The following NAALADL2 variants were observed in gnomAD, a reference collection of about 807,000 sequenced individuals.
NAALADL2 encodes the protein inactive N-acetylated-alpha-linked acidic dipeptidase-like protein 2.
NAALADL2 carries 76 observed loss-of-function variants against 87.2 expected under a neutral mutation model. The observed-to-expected ratio is 0.87, with a 90% CI of 0.72 to 1.05. The LOEUF is 1.05. NAALADL2 is among the 50% of genes least tolerant of loss of function. NAALADL2 has a pLI of 0.00. For synonymous variants in NAALADL2, 354 were observed against 331.0 expected, an observed-to-expected ratio of 1.07 and a Z score of -0.75; for missense variants, 1,089 against 945.8, an observed-to-expected ratio of 1.15 and a Z score of -1.99.
intron 4 of NAALADL2, among the ~76,000 whole-genome samples, chr3:175,297,843 C>A (rs1756573083): frequency 1.3e-5 from 2 of 152,230 alleles, no homozygotes; most frequent in South Asian, 2.1e-4. Context: ...GCATGCTTTT[C>A]ATTTTACATA....
chr3:175,138,260 A>T (rs933425959), intron 2 of NAALADL2, among the ~76,000 whole-genome samples: 1 of 152,224 alleles, frequency 6.6e-6, no homozygotes, highest in South Asian at 2.1e-4. Context: ...ATGTAGACTG[A>T]GAAAACTTAC....
At chr3:175,694,506 G>T (rs978721283) in intron 11 of NAALADL2, among the ~76,000 whole-genome samples, 14 of 152,082 alleles carry the variant, frequency 9.2e-5, no homozygotes, top group Non-Finnish European at 1.6e-4. Flanking sequence ...ACAGACTTTG[G>T]TTGCTCATTC....
chr3:174,743,848 T>TTC (rs1733993795), intron 3 of NAALADL2, among the ~76,000 whole-genome samples: 1 of 151,932 alleles, frequency 6.6e-6, no homozygotes, highest in Non-Finnish European at 1.5e-5. Flanking sequence ...CATCATGTGC[T>TTC]TCTGCACATT....
chr3:175,536,747 T>G (rs1384914710), intron 9 of NAALADL2, among the ~76,000 whole-genome samples: 1 of 152,198 alleles, frequency 6.6e-6, no homozygotes, highest in Non-Finnish European at 1.5e-5. Context: ...TCTCCTGACC[T>G]CGTGATCTGC....
At chr3:175,669,795 T>C (rs1245236460) in intron 11 of NAALADL2, among the ~76,000 whole-genome samples, 1 of 151,954 alleles carries the variant, frequency 6.6e-6, no homozygotes, top group Non-Finnish European at 1.5e-5. Context: ...AAATAGTGTA[T>C]TTCACTATTA....
intron 5 of NAALADL2, among the ~76,000 whole-genome samples, chr3:175,441,154 C>T (rs1719675003): frequency 1.3e-5 from 2 of 151,600 alleles, no homozygotes; most frequent in Admixed American, 1.3e-4. Context: ...GTTTCACATC[C>T]ATGGATTCAA....
At chr3:175,667,223 G>GAAAT (rs1156518991) in intron 11 of NAALADL2, among the ~76,000 whole-genome samples, 3 of 127,028 alleles carry the variant, frequency 2.4e-5, no homozygotes, top group African/African-American at 1.2e-4. Flanking sequence ...AAGAAAGAAA[G>GAAAT]AAAGAAAGAA....
At chr3:175,511,257 C>A (rs1463963704) in intron 9 of NAALADL2, among the ~76,000 whole-genome samples, 1 of 152,154 alleles carries the variant, frequency 6.6e-6, no homozygotes, top group African/African-American at 2.4e-5. Context: ...GAATTGTGTT[C>A]TCTCAAAATT....
intron 8 of NAALADL2, among the ~76,000 whole-genome samples, chr3:175,470,564 C>T (rs73043193): frequency 0.054 from 8,221 of 152,068 alleles, 710 homozygotes; most frequent in African/African-American, 0.18. Context: ...TTGTAGTCTT[C>T]CATTTCATAG....
chr3:174,709,959 T>G (rs986022715), intron 2 of NAALADL2, among the ~76,000 whole-genome samples: 1 of 152,208 alleles, frequency 6.6e-6, no homozygotes, highest in Admixed American at 6.5e-5. Context: ...TGTATATCAT[T>G]TATAAGGCCT....
chr3:175,094,397 C>A (rs1229880520), intron 1 of NAALADL2, among the ~76,000 whole-genome samples: 1 of 151,954 alleles, frequency 6.6e-6, no homozygotes, highest in African/African-American at 2.4e-5. Context: ...CTTTATTCTA[C>A]TTTCTTCAGA....
intron 1 of NAALADL2, among the ~76,000 whole-genome samples, chr3:174,983,610 A>G (rs1553910228): frequency 1.3e-5 from 2 of 152,222 alleles, no homozygotes; most frequent in Non-Finnish European, 2.9e-5. Context: ...GTGTCCTCAC[A>G]TGGTGGAAGG....
intron 1 of NAALADL2, among the ~76,000 whole-genome samples, chr3:175,092,911 T>G (rs1339030699): frequency 6.6e-6 from 1 of 151,898 alleles, no homozygotes; most frequent in Non-Finnish European, 1.5e-5. Context: ...ATAATTGCAT[T>G]TTATAAAACA....
At chr3:175,520,331 G>T (rs1254342377) in intron 9 of NAALADL2, among the ~76,000 whole-genome samples, 1 of 116,548 alleles carries the variant, frequency 8.6e-6, no homozygotes, top group Non-Finnish European at 1.6e-5. Flanking sequence ...TCGCTCTGTC[G>T]CCCAGGCCAG....
chr3:175,043,847 C>A (rs1284498884), intron 1 of NAALADL2, among the ~76,000 whole-genome samples: 2 of 152,032 alleles, frequency 1.3e-5, no homozygotes, highest in African/African-American at 2.4e-5. Flanking sequence ...CTTAAGATTG[C>A]TTTAGCTATT....
intron 3 of NAALADL2, among the ~76,000 whole-genome samples, chr3:174,792,256 G>T (rs1159003030): frequency 6.8e-6 from 1 of 147,730 alleles, no homozygotes; most frequent in African/African-American, 2.5e-5. Flanking sequence ...CGAAGATGAG[G>T]AAGGAAAGAA....
At chr3:174,522,349 C>G (rs564686097) in intron 1 of NAALADL2, among the ~76,000 whole-genome samples, 1 of 151,942 alleles carries the variant, frequency 6.6e-6, no homozygotes, top group Non-Finnish European at 1.5e-5. Context: ...GAAGAGTATT[C>G]GTGAATGAGA....
At chr3:174,747,627 A>AC (rs1734390178) in intron 3 of NAALADL2, among the ~76,000 whole-genome samples, 1 of 149,848 alleles carries the variant, frequency 6.7e-6, no homozygotes. Context: ...ATCTCAAAAA[A>AC]AAAAAAAAAA....
At chr3:174,898,331 G>T (rs752781356) in intron 1 of NAALADL2, among the ~76,000 whole-genome samples, 1 of 151,324 alleles carries the variant, frequency 6.6e-6, no homozygotes, top group Non-Finnish European at 1.5e-5. Context: ...AGATTGGGAA[G>T]GGTAGAGGGG....
Sources: allele counts gnomAD v4.1 joint callset (sites outside exome capture counted in the v4.1 genomes callset), GRCh38; gene constraint gnomAD v4.1.1; transcripts MANE v1.5; gene names NCBI Gene and HGNC (gene_info 2026-07-23, HGNC 2026-07-21).